Variants in DPP6 observed in about 807,000 individuals in gnomAD.
The protein encoded by DPP6 is dipeptidyl peptidase like 6.
A neutral mutation model predicts 122.6 loss-of-function variants in DPP6; 69 were observed. The observed-to-expected ratio is 0.56, with a 90% CI of 0.46 to 0.69. The LOEUF (loss-of-function observed/expected upper bound fraction) is 0.69, where lower values mean the gene tolerates loss of function less well. Among genes scored for constraint, DPP6 ranks in the 30% least tolerant of loss-of-function variants. The probability of loss-of-function intolerance (pLI) is 0.00; values close to 1 mark genes in which losing one functional copy is unlikely to be tolerated. For synonymous variants in DPP6, 418 were observed against 433.1 expected (o/e 0.97, Z 0.43); for missense variants, 928 against 1,116.9 (o/e 0.83, Z 2.41).
intron 1 of DPP6, among the ~76,000 whole-genome samples, chr7:154,377,650 C>G (rs1473011224): frequency 1.3e-5 from 2 of 152,168 alleles, no homozygotes; most frequent in East Asian, 3.9e-4. Flanking sequence ...CACCCTCCTG[C>G]TTCACTGTGG....
At chr7:154,470,614 G>A (rs1425904356) in intron 2 of DPP6, among the ~76,000 whole-genome samples, 1 of 152,190 alleles carries the variant, frequency 6.6e-6, no homozygotes, top group African/African-American at 2.4e-5. Context: ...GGAAGGGAAA[G>A]GAGGCTGAGA....
At chr7:153,958,200 A>G (rs1795155856) in intron 1 of DPP6, among the ~76,000 whole-genome samples, 1 of 152,070 alleles carries the variant, frequency 6.6e-6, no homozygotes, top group Admixed American at 6.5e-5. Flanking sequence ...AGACCACAAA[A>G]TAGACAATGG....
chr7:153,951,913 CAT>C (rs1802235766), intron 1 of DPP6, among the ~76,000 whole-genome samples: 1 of 152,094 alleles, frequency 6.6e-6, no homozygotes, highest in South Asian at 2.1e-4. Flanking sequence ...CGTGGTGGTG[CAT>C]GCCTGTAGTC....
At chr7:154,690,658 A>G (rs1839882906) in intron 7 of DPP6, among the ~76,000 whole-genome samples, 2 of 152,048 alleles carry the variant, frequency 1.3e-5, no homozygotes. Flanking sequence ...CAAGAGTTGG[A>G]CATATCTTCT....
intron 1 of DPP6, among the ~76,000 whole-genome samples, chr7:154,227,617 T>C (rs1298955338): frequency 1.3e-5 from 2 of 152,176 alleles, no homozygotes; most frequent in Non-Finnish European, 2.9e-5. Flanking sequence ...CCATGGCAGA[T>C]GTATCTAAGA....
At chr7:154,642,003 C>A (rs1280982531) in intron 6 of DPP6, among the ~76,000 whole-genome samples, 1 of 152,174 alleles carries the variant, frequency 6.6e-6, no homozygotes, top group East Asian at 1.9e-4. Context: ...AAGCCATATT[C>A]TGTATCTGTG....
At chr7:154,565,244 G>A (rs1830669958) in intron 4 of DPP6, among the ~76,000 whole-genome samples, 1 of 152,210 alleles carries the variant, frequency 6.6e-6, no homozygotes, top group South Asian at 2.1e-4. Flanking sequence ...CTAACGTTGA[G>A]TCTCTCCTAG....
intron 3 of DPP6, chr7:154,475,693 T>G (rs558525712): frequency 6.5e-6 from 1 of 152,716 alleles, no homozygotes; most frequent in South Asian, 2.1e-4. Flanking sequence ...TAATTGGGTC[T>G]GAAATAATTC....
chr7:154,147,472 TC>T (rs1796156372), intron 1 of DPP6, among the ~76,000 whole-genome samples: 1,761 of 140,000 alleles, frequency 0.013, no homozygotes, highest in African/African-American at 0.053. Flanking sequence ...CTTCCTTCCT[TC>T]CTTCCTTCCT....
chr7:154,554,795 T>A (rs1829897889), intron 4 of DPP6, among the ~76,000 whole-genome samples: 1 of 152,192 alleles, frequency 6.6e-6, no homozygotes, highest in South Asian at 2.1e-4. Context: ...TTCAGCTGTG[T>A]ACCAAAATCA....
Position 153,912,291 on chromosome 7 carries a change from C to T in DPP6, c.51+24557C>T, listed in dbSNP as rs561214303. On this transcript the variant is annotated intron_variant, in intron 1 of 25. Transcript: ENST00000404039. ...GAAACATATACACACTCAAATAAAACGAACTGGAACCGTCGCAAAGGATGC... is the reference window on the plus strand; with the variant it reads ...GAAACATATACACACTCAAATAAAATGAACTGGAACCGTCGCAAAGGATGC... Among the ~76,000 whole-genome samples the T allele has an allele frequency of 5.3e-5, 8 of 152,228 alleles. No homozygotes were observed. The East Asian group carries it at 5.8e-4, about 11-fold the overall frequency.
chr7:154,015,531 C>T (rs1798362634), intron 1 of DPP6, among the ~76,000 whole-genome samples: 1 of 152,128 alleles, frequency 6.6e-6, no homozygotes, highest in Admixed American at 6.5e-5. Context: ...CAGAAGAGAG[C>T]TCCTCATCCC....
intron 1 of DPP6, among the ~76,000 whole-genome samples, chr7:154,020,502 G>C (rs960331060): frequency 1.3e-5 from 2 of 151,948 alleles, no homozygotes; most frequent in African/African-American, 4.8e-5. Context: ...AGTCAGAGTT[G>C]GGACCAGGTC....
At chr7:153,877,853 A>G in the DPP6 span, among the ~76,000 whole-genome samples, 1 of 152,174 alleles carries the variant, frequency 6.6e-6, no homozygotes, top group Middle Eastern at 3.4e-3. Context: ...AGTATTTGCA[A>G]TGCTTATTAA....
Position 154,601,981 on chromosome 7 carries a change from G to A in DPP6, c.627+35065G>A, listed in dbSNP as rs1833424365. The stretch of plus-strand genomic sequence containing the variant: ...ATTGAAATCTACCATTTGCTATTAG[G>A]TTGGTGCAAAAGTAATTGTGGTTCT... On this transcript the variant is annotated intron_variant, in intron 5 of 25. Transcript: ENST00000377770. Among the ~76,000 whole-genome samples the A allele has an allele frequency of 3.3e-5, 4 of 121,130 alleles. 2 individuals carry two copies. The highest frequency in any genetic ancestry group is 1.1e-4 in the African/African-American group (4 of 38,040). 79.5% of individuals were successfully genotyped at this position (121,130 alleles called of 152,430 possible).
chr7:153,848,003 C>G, the DPP6 span, among the ~76,000 whole-genome samples: 1 of 152,144 alleles, frequency 6.6e-6, no homozygotes, highest in Non-Finnish European at 1.5e-5. Context: ...GTACTGGGAA[C>G]CTTGCCAGGC....
chr7:154,106,384 G>A (rs1433514034), intron 1 of DPP6, among the ~76,000 whole-genome samples: 1 of 118,074 alleles, frequency 8.5e-6, no homozygotes, highest in Non-Finnish European at 1.7e-5. Context: ...AGAATGTGAT[G>A]GTAGACATGG....
At chr7:153,920,540 C>G (rs1332804577) in intron 1 of DPP6, among the ~76,000 whole-genome samples, 1 of 128,494 alleles carries the variant, frequency 7.8e-6, no homozygotes, top group Non-Finnish European at 1.7e-5. Context: ...TGTAGGTAGT[C>G]AACCTTTTTC....
At chr7:154,456,337 A>T (rs1820825137) in intron 2 of DPP6, among the ~76,000 whole-genome samples, 1 of 152,196 alleles carries the variant, frequency 6.6e-6, no homozygotes, top group African/African-American at 2.4e-5. Flanking sequence ...GACTCTGTGC[A>T]TTTAAGTATG....
Sources: allele counts gnomAD v4.1 joint callset (sites outside exome capture counted in the v4.1 genomes callset), GRCh38; gene constraint gnomAD v4.1.1; transcripts MANE v1.5; gene names NCBI Gene and HGNC (gene_info 2026-07-23, HGNC 2026-07-21).